Variants in ADAMTS12 observed in about 807,000 individuals in gnomAD.
ADAMTS12 encodes ADAM metallopeptidase with thrombospondin type 1 motif 12, also known as A disintegrin and metalloproteinase with thrombospondin motifs 12.
Under a neutral mutation model 167.8 loss-of-function variants are expected in ADAMTS12, and 118 were observed. The ratio of observed to expected loss-of-function variants is 0.70; its 90% CI spans 0.61 to 0.82. ADAMTS12 has a LOEUF of 0.82. Ranked by LOEUF, ADAMTS12 falls within the 40% of genes least tolerant of loss-of-function variation. ADAMTS12 has a pLI of 0.00. For missense variants in ADAMTS12, 1,916 were observed against 1,998.8 expected (o/e 0.96, Z 0.79); for synonymous variants, 704 against 716.9 (o/e 0.98, Z 0.29).
chr5:33,560,321 G>A (rs543065170), intron 20 of ADAMTS12, among the ~76,000 whole-genome samples: 1 of 152,306 alleles, frequency 6.6e-6, no homozygotes, highest in South Asian at 2.1e-4. Flanking sequence ...AACACTGTTG[G>A]TGGGACTGCA....
intron 5 of ADAMTS12, among the ~76,000 whole-genome samples, chr5:33,666,093 G>A (rs1741455281): frequency 3.3e-5 from 5 of 152,184 alleles, no homozygotes; most frequent in Admixed American, 3.3e-4. Flanking sequence ...GCTCAGTCCT[G>A]CTCCCACACT....
chr5:33,754,922 T>G (rs773849635), intron 2 of ADAMTS12, among the ~76,000 whole-genome samples: 1 of 152,198 alleles, frequency 6.6e-6, no homozygotes, highest in Non-Finnish European at 1.5e-5. Context: ...TACTAAAAAC[T>G]GTTTTAAATA....
intron 14 of ADAMTS12, among the ~76,000 whole-genome samples, chr5:33,616,896 G>A (rs372455840): frequency 1.2e-4 from 19 of 152,218 alleles, no homozygotes; most frequent in Admixed American, 1.3e-4. Context: ...ATGGTTGCCA[G>A]TGTTTGCCAA....
intron 2 of ADAMTS12, among the ~76,000 whole-genome samples, chr5:33,877,088 A>T (rs1362487760): frequency 1.3e-5 from 2 of 152,216 alleles, no homozygotes; most frequent in Non-Finnish European, 2.9e-5. Flanking sequence ...CCCTTGAGAG[A>T]TCCATGACCA....
rs142045209 is a variant in ADAMTS12, at chr5:33,732,373, G to A, written c.634+19031C>T. Among the ~76,000 whole-genome samples the A allele has an allele frequency of 9.3e-3, 1,412 of 152,230 alleles. 20 individuals are homozygous for A. The highest frequency in any genetic ancestry group is 0.033 in the African/African-American group (1,360 of 41,544). On this transcript the variant is annotated intron_variant, in intron 3 of 23. Transcript: ENST00000504830. ...CATAAGAAGAGATAAAAAAATTAAA[G>A]ATGAAAACAGAAAAAGCATTTTCCC... is the stretch of plus-strand genomic sequence containing the variant.
intron 2 of ADAMTS12, among the ~76,000 whole-genome samples, chr5:33,852,320 G>C (rs1388877796): frequency 6.6e-6 from 1 of 152,182 alleles, no homozygotes; most frequent in Non-Finnish European, 1.5e-5. Context: ...AAGAAAGGCT[G>C]CTTGGAAGAA....
At chr5:33,635,448 T>A (rs112084514) in intron 12 of ADAMTS12, among the ~76,000 whole-genome samples, 2 of 152,178 alleles carry the variant, frequency 1.3e-5, no homozygotes, top group African/African-American at 4.8e-5. Context: ...CTTGGTTCTA[T>A]TTCATAGTCT....
chr5:33,746,717 C>A (rs1744800734), intron 3 of ADAMTS12, among the ~76,000 whole-genome samples: 1 of 152,164 alleles, frequency 6.6e-6, no homozygotes, highest in East Asian at 1.9e-4. Context: ...AAACACTAAT[C>A]TGGGTGTTGC....
At chr5:33,624,148 AC>A in intron 14 of ADAMTS12, 82 bp downstream of exon 14, 1 of 1,576,152 alleles carries the variant, frequency 6.3e-7, no homozygotes, top group Non-Finnish European at 8.6e-7. Context: ...AGAAATAAAA[AC>A]AAAAACTAGG....
chr5:33,827,089 C>T, intron 2 of ADAMTS12, among the ~76,000 whole-genome samples: 1 of 151,308 alleles, frequency 6.6e-6, no homozygotes, highest in Non-Finnish European at 1.5e-5. Flanking sequence ...GCATAAAGAC[C>T]TGGTCCCTTT....
At chr5:33,612,734 C>T (rs1236465221) in intron 16 of ADAMTS12, among the ~76,000 whole-genome samples, 1 of 152,090 alleles carries the variant, frequency 6.6e-6, no homozygotes, top group Non-Finnish European at 1.5e-5. Context: ...AAGCCCAGTC[C>T]CCGACCCTGA....
chr5:33,634,533 GA>G (rs1451881971), intron 12 of ADAMTS12, among the ~76,000 whole-genome samples: 8 of 152,088 alleles, frequency 5.3e-5, no homozygotes, highest in African/African-American at 1.9e-4. Flanking sequence ...ACTTAAAAAG[GA>G]AGCTCAGCTA....
chr5:33,618,884 T>C (rs1739164426), intron 14 of ADAMTS12, among the ~76,000 whole-genome samples: 1 of 152,234 alleles, frequency 6.6e-6, no homozygotes, highest in African/African-American at 2.4e-5. Context: ...CAATGGCATC[T>C]TCAACGTTGT....
intron 2 of ADAMTS12, among the ~76,000 whole-genome samples, chr5:33,786,525 A>G (rs1478833168): frequency 1.3e-5 from 2 of 151,934 alleles, no homozygotes; most frequent in Non-Finnish European, 2.9e-5. Flanking sequence ...GTTGAAGAAT[A>G]CCATCTATTA....
intron 2 of ADAMTS12, among the ~76,000 whole-genome samples, chr5:33,853,872 A>G (rs891250380): frequency 7.2e-5 from 11 of 152,202 alleles, no homozygotes; most frequent in Non-Finnish European, 1.6e-4. Flanking sequence ...TGCATTTCTA[A>G]CAAGCCCTCA....
At chr5:33,854,027 G>A (rs139604017) in intron 2 of ADAMTS12, among the ~76,000 whole-genome samples, 26 of 152,240 alleles carry the variant, frequency 1.7e-4, no homozygotes, top group African/African-American at 5.3e-4. Flanking sequence ...TCCCAAATTC[G>A]GTGGAATTGC....
At chr5:33,742,206 G>A (rs187884617) in intron 3 of ADAMTS12, among the ~76,000 whole-genome samples, 80 of 151,898 alleles carry the variant, frequency 5.3e-4, no homozygotes, top group Non-Finnish European at 8.8e-4. Context: ...TTGGCTTACT[G>A]GCCCAAAAAG....
intron 15 of ADAMTS12, 59 bp from the exon 16 acceptor site, chr5:33,614,435 A>G: frequency 6.3e-7 from 1 of 1,588,060 alleles, no homozygotes; most frequent in South Asian, 1.1e-5. Flanking sequence ...TAAGCCAGTC[A>G]TGTAAAAACA....
At chr5:33,588,858 T>C (rs762967809) in intron 17 of ADAMTS12, 49 bp from the exon 18 acceptor site, 3 of 1,598,442 alleles carry the variant, frequency 1.9e-6, no homozygotes, top group Non-Finnish European at 2.6e-6. Flanking sequence ...CTTACGCATA[T>C]GTTCCATTCA....
Sources: allele counts gnomAD v4.1 joint callset (sites outside exome capture counted in the v4.1 genomes callset), GRCh38; gene constraint gnomAD v4.1.1; transcripts MANE v1.5; gene names NCBI Gene and HGNC (gene_info 2026-07-23, HGNC 2026-07-21).